RNF24: variants seen among roughly 807,000 people sequenced by gnomAD.
The protein encoded by RNF24 is ring finger protein 24.
A neutral mutation model predicts 20.0 loss-of-function variants in RNF24; 14 were observed. The observed-to-expected ratio is 0.70, with a 90% CI of 0.46 to 1.10. RNF24 has a LOEUF of 1.10. Ranked by LOEUF, RNF24 falls within the 50% of genes least tolerant of loss-of-function variation. RNF24 has a pLI of 0.00. For missense variants in RNF24, 124 were observed against 177.6 expected (o/e 0.70, Z 1.71); for synonymous variants, 45 against 61.1 (o/e 0.74, Z 1.23).
intron 1 of RNF24, among the ~76,000 whole-genome samples, chr20:4,012,233 C>T (rs577770253): frequency 1.3e-5 from 2 of 151,994 alleles, no homozygotes; most frequent in African/African-American, 2.4e-5. Flanking sequence ...GCCAACATGG[C>T]AAAACTCCGT....
chr20:3,967,449 C>CA (rs996796145), intron 1 of RNF24, among the ~76,000 whole-genome samples: 82 of 144,036 alleles, frequency 5.7e-4, no homozygotes, highest in South Asian at 1.3e-3. Flanking sequence ...CAAACCAAAA[C>CA]AAAAAAAAAA....
intron 1 of RNF24, among the ~76,000 whole-genome samples, chr20:3,980,214 C>A (rs1741837361): frequency 6.6e-6 from 1 of 152,088 alleles, no homozygotes; most frequent in Non-Finnish European, 1.5e-5. Context: ...AGGCTTCAGA[C>A]CCCAATGGCA....
intron 1 of RNF24, among the ~76,000 whole-genome samples, chr20:4,007,673 G>C (rs540482681): frequency 4.0e-5 from 6 of 149,520 alleles, no homozygotes; most frequent in Non-Finnish European, 8.9e-5. Context: ...GGGAGGTGCT[G>C]GTAGGGTCAC....
intron 2 of RNF24, among the ~76,000 whole-genome samples, chr20:3,959,996 T>TA (rs766032295): frequency 2.6e-5 from 4 of 152,176 alleles, no homozygotes; most frequent in Non-Finnish European, 5.9e-5. Context: ...CTTAGCAAGG[T>TA]AAGATGCCCT....
chr20:3,970,920 C>T (rs991348871), intron 1 of RNF24, among the ~76,000 whole-genome samples: 5 of 152,084 alleles, frequency 3.3e-5, no homozygotes, highest in African/African-American at 1.2e-4. Context: ...GTGGTGGGCA[C>T]CTGTAATCCC....
intron 1 of RNF24, among the ~76,000 whole-genome samples, chr20:3,983,394 T>A (rs1045916484): frequency 1.3e-5 from 2 of 152,166 alleles, no homozygotes; most frequent in Non-Finnish European, 2.9e-5. Context: ...TTATATTTTT[T>A]AAACTGGTTA....
Position 3,933,774 on chromosome 20 carries a change from GGA to G in RNF24, c.*287_*288del. 4.1e-6 allele frequency: 1 copy of G among 242,222 alleles called. No individual in the cohort carries two copies. Among genetic ancestry groups the G allele is most frequent in the East Asian group, 8.0e-5 (1 of 12,532 alleles). 15.0% of individuals were successfully genotyped at this position (242,222 alleles called of 1,614,324 possible). A position where few individuals can be genotyped will look rare whatever the true frequency, so the allele number is the denominator to read the frequency against. ...TGCTTGACATGGAGATGAGGCTCCA[GGA>G]GAGAGAGTGTAATGGAGTTAGTAAG... On this transcript the variant is annotated 3_prime_UTR_variant, in exon 6 of 6. Coordinates refer to ENST00000358395, the MANE Select transcript of RNF24 (RefSeq NM_001134337.3).
At chr20:3,965,840 A>G (rs1049224476) in intron 1 of RNF24, among the ~76,000 whole-genome samples, 4 of 152,146 alleles carry the variant, frequency 2.6e-5, no homozygotes, top group African/African-American at 9.7e-5. Flanking sequence ...CACCTTAGAA[A>G]ATAAGGGATT....
intron 1 of RNF24, among the ~76,000 whole-genome samples, chr20:3,988,048 C>T (rs756603524): frequency 3.3e-5 from 5 of 151,978 alleles, no homozygotes; most frequent in African/African-American, 7.3e-5. Flanking sequence ...TCAGGCTGGG[C>T]GTGGTCGCTC....
intron 2 of RNF24, among the ~76,000 whole-genome samples, chr20:3,960,417 C>T (rs1568630614): frequency 6.6e-6 from 1 of 152,174 alleles, no homozygotes; most frequent in Non-Finnish European, 1.5e-5. Flanking sequence ...TGCCTGTAAT[C>T]CCAGCACTTT....
Position 3,933,243 on chromosome 20 carries a change from C to T in RNF24, c.*820G>A. On this transcript the variant is annotated 3_prime_UTR_variant, in exon 6 of 6. Transcript: ENST00000358395. ...GAGCCACTCGAGAGGTTCACAGTGG[C>T]TCCCTTCTGAGGCAGTGGCAGTGGG... 2.5e-6 allele frequency: 1 copy of T among 398,362 alleles called. No individual in the cohort carries two copies. The highest frequency in any genetic ancestry group is 4.4e-6 in the Non-Finnish European group (1 of 226,092). 24.7% of individuals were successfully genotyped at this position (398,362 alleles called of 1,614,324 possible).
intron 1 of RNF24, among the ~76,000 whole-genome samples, chr20:3,996,985 C>G (rs1483226027): frequency 6.6e-6 from 1 of 151,966 alleles, no homozygotes; most frequent in Non-Finnish European, 1.5e-5. Flanking sequence ...CTTTGAGAGG[C>G]CGAGGCAGGC....
chr20:3,983,426 A>G (rs1001674949), intron 1 of RNF24, among the ~76,000 whole-genome samples: 7 of 152,132 alleles, frequency 4.6e-5, no homozygotes, highest in African/African-American at 1.7e-4. Flanking sequence ...TAAAAAAGCT[A>G]CTTCTTTGTA....
rs545856552 is a variant in RNF24 at position 3,930,394 on chromosome 20, T to G, written c.*3669A>C. ...AATCATGATGGCAGAGGAGCCCATG[T>G]AACCCAGATGATGTTATGTGGTATC... On this transcript the variant is annotated 3_prime_UTR_variant, in exon 6 of 6. Transcript: ENST00000358395. The G allele has an allele frequency of 6.6e-6, 1 of 152,212 alleles. No individual in the cohort carries two copies. The highest frequency in any genetic ancestry group is 1.5e-5 in the Non-Finnish European group (1 of 68,078). The allele number at this position is 152,212 out of a possible 1,614,324, so 9.4% of individuals were successfully genotyped here.
intron 1 of RNF24, among the ~76,000 whole-genome samples, chr20:4,006,649 AT>A (rs1177311004): frequency 6.6e-6 from 1 of 152,236 alleles, no homozygotes; most frequent in Non-Finnish European, 1.5e-5. Context: ...TCCAGAGCAA[AT>A]TTGTAACACG....
intron 4 of RNF24, among the ~76,000 whole-genome samples, chr20:3,944,601 G>T (rs241630): frequency 0.33 from 49,825 of 152,000 alleles, 9,282 homozygotes; most frequent in African/African-American, 0.52. Flanking sequence ...GAAATAGAAT[G>T]AAAAAGAATT....
At chr20:3,935,161 C>T (rs974086071) in intron 4 of RNF24, 88 bp from the exon 5 acceptor site, 12 of 987,212 alleles carry the variant, frequency 1.2e-5, no homozygotes, top group South Asian at 4.2e-5. Flanking sequence ...AAGGCTCAAC[C>T]GTTTGAAGGG....
At chr20:4,006,013 C>T (rs1981838943) in intron 1 of RNF24, among the ~76,000 whole-genome samples, 1 of 152,100 alleles carries the variant, frequency 6.6e-6, no homozygotes, top group Admixed American at 6.6e-5. Flanking sequence ...CCTGTCTAAT[C>T]GGGAAAACAT....
chr20:3,976,751 A>T (rs541744391), intron 1 of RNF24, among the ~76,000 whole-genome samples: 1 of 152,368 alleles, frequency 6.6e-6, no homozygotes, highest in South Asian at 2.1e-4. Flanking sequence ...CCAGATAATT[A>T]TGGTGAATGA....
Sources: gnomAD v4.1 joint callset for allele counts (sites outside exome capture counted in the v4.1 genomes callset) on GRCh38, gnomAD v4.1.1 for gene constraint, MANE v1.5 for transcripts, NCBI Gene and HGNC (gene_info 2026-07-23, HGNC 2026-07-21) for gene names.